The following PTPRT variants were observed in gnomAD, a reference collection of about 807,000 sequenced individuals.
PTPRT encodes protein tyrosine phosphatase receptor type T, also known as receptor-type tyrosine-protein phosphatase T.
PTPRT carries 56 observed loss-of-function variants against 176.8 expected under a neutral mutation model. That is an observed-to-expected ratio of 0.32 (90% CI 0.26 to 0.40). The LOEUF (loss-of-function observed/expected upper bound fraction) is 0.40. Ranked by LOEUF, PTPRT falls within the 10% of genes least tolerant of loss-of-function variation. The probability of loss-of-function intolerance (pLI) is 1.00; values close to 1 mark genes in which losing one functional copy is unlikely to be tolerated. For missense variants in PTPRT, 1,540 were observed against 1,908.2 expected, an observed-to-expected ratio of 0.81 and a Z score of 3.60; for synonymous variants, 783 against 739.0, an observed-to-expected ratio of 1.06 and a Z score of -0.96.
At chr20:42,886,947 T>G (rs1035247281) in intron 1 of PTPRT, among the ~76,000 whole-genome samples, 3 of 152,150 alleles carry the variant, frequency 2.0e-5, no homozygotes, top group Non-Finnish European at 4.4e-5. Context: ...GGTGCACAAA[T>G]GCAGGGAGGC....
intron 15 of PTPRT, among the ~76,000 whole-genome samples, chr20:42,215,794 G>A (rs945785039): frequency 5.3e-5 from 8 of 152,202 alleles, no homozygotes; most frequent in East Asian, 1.9e-4. Context: ...CCAGCCAGTG[G>A]GTATCCAGCC....
intron 16 of PTPRT, among the ~76,000 whole-genome samples, chr20:42,173,317 G>A (rs750934945): frequency 5.3e-5 from 8 of 152,120 alleles, no homozygotes; most frequent in Non-Finnish European, 1.0e-4. Flanking sequence ...AAAGGGTTTT[G>A]TGCATGTCAT....
At chr20:42,280,250 T>C (rs1318076482) in intron 13 of PTPRT, among the ~76,000 whole-genome samples, 2 of 152,116 alleles carry the variant, frequency 1.3e-5, no homozygotes, top group Non-Finnish European at 2.9e-5. Context: ...ACTCTAAGCA[T>C]AGTACCAGGC....
At chr20:42,430,570 A>G (rs1178397034) in intron 9 of PTPRT, among the ~76,000 whole-genome samples, 1 of 152,168 alleles carries the variant, frequency 6.6e-6, no homozygotes, top group Non-Finnish European at 1.5e-5. Flanking sequence ...ATGGCTGGTG[A>G]TGTATCATAA....
In PTPRT at chr20:43,124,998, A is replaced by ATT. The variant is rs551043648; in HGVS notation, c.88+64646_88+64647dup. 2.4e-3 allele frequency among the ~76,000 whole-genome samples: 353 copies of ATT among 146,394 alleles called. 2 individuals carry two copies. The highest frequency in any genetic ancestry group is 3.2e-3 in the Non-Finnish European group (213 of 66,268). ...TTAGAAACTAAGTTAGATTTGGGAA[A>ATT]TTTTTTTTTTTTTTGAGACAGAATA... On this transcript the variant is annotated intron_variant, in intron 1 of 30. Coordinates refer to ENST00000373187, the MANE Select transcript of PTPRT (RefSeq NM_007050.6).
At chr20:43,016,270 C>T (rs1333358354) in intron 1 of PTPRT, among the ~76,000 whole-genome samples, 1 of 152,182 alleles carries the variant, frequency 6.6e-6, no homozygotes, top group Admixed American at 6.5e-5. Flanking sequence ...AGTGGGCTGG[C>T]CATGCTGCCA....
chr20:42,313,974 T>A (rs1412533739), intron 12 of PTPRT, among the ~76,000 whole-genome samples: 1 of 152,188 alleles, frequency 6.6e-6, no homozygotes, highest in Non-Finnish European at 1.5e-5. Context: ...CACCAAGCAC[T>A]GACTGCCATT....
intron 2 of PTPRT, among the ~76,000 whole-genome samples, chr20:42,859,296 T>C (rs1436136134): frequency 6.6e-6 from 1 of 152,142 alleles, no homozygotes; most frequent in Admixed American, 6.5e-5. Context: ...TCAAGCACCA[T>C]GTCATAGGTC....
intron 1 of PTPRT, among the ~76,000 whole-genome samples, chr20:42,965,972 G>A (rs527540332): frequency 1.8e-4 from 28 of 152,192 alleles, no homozygotes; most frequent in Non-Finnish European, 8.8e-5. Flanking sequence ...GCAGAAAAGT[G>A]TGTCACTAAA....
chr20:42,905,364 G>A (rs2079461174), intron 1 of PTPRT, among the ~76,000 whole-genome samples: 1 of 152,166 alleles, frequency 6.6e-6, no homozygotes, highest in Non-Finnish European at 1.5e-5. Context: ...AAACCACAAT[G>A]ACATACCATC....
rs571925436 is a variant in PTPRT, at chr20:42,536,865, G to C, written c.1154-64303C>G. ...GTAGAGCCACTGAGGAGATCAATTT[G>C]GCAAGACCTATATCTAAAGCACTAC... On this transcript the variant is annotated intron_variant, in intron 7 of 30. Coordinates refer to ENST00000373187, the MANE Select transcript of PTPRT (RefSeq NM_007050.6). Among the ~76,000 whole-genome samples, 84 of 152,180 alleles carry C rather than the reference G, an allele frequency of 5.5e-4. 2 individuals carry two copies. The highest frequency in any genetic ancestry group is 5.2e-3 in the Admixed American group (80 of 15,284).
chr20:42,741,313 G>A (rs1046233871), intron 6 of PTPRT, among the ~76,000 whole-genome samples: 2 of 152,112 alleles, frequency 1.3e-5, no homozygotes, highest in Non-Finnish European at 2.9e-5. Flanking sequence ...TTGTGCAAAA[G>A]CAATCACTAC....
At chr20:42,380,748 T>G (rs2145631736) in intron 9 of PTPRT, among the ~76,000 whole-genome samples, 1 of 152,348 alleles carries the variant, frequency 6.6e-6, no homozygotes, top group East Asian at 1.9e-4. Flanking sequence ...TGTTTCTAAT[T>G]CATTTTGATA....
At chr20:42,552,336 C>T (rs747637597) in intron 7 of PTPRT, among the ~76,000 whole-genome samples, 1 of 152,168 alleles carries the variant, frequency 6.6e-6, no homozygotes, top group Non-Finnish European at 1.5e-5. Context: ...CAGAAGCAAA[C>T]ACAAACATAA....
At chr20:42,984,976 C>T (rs1040122074) in intron 1 of PTPRT, among the ~76,000 whole-genome samples, 3 of 152,152 alleles carry the variant, frequency 2.0e-5, no homozygotes, top group Non-Finnish European at 2.9e-5. Context: ...TGGTAGAAGA[C>T]AGTGGGGTAA....
chr20:42,694,949 T>C (rs1569090338), intron 6 of PTPRT, among the ~76,000 whole-genome samples: 2 of 152,186 alleles, frequency 1.3e-5, no homozygotes, highest in South Asian at 4.1e-4. Flanking sequence ...CTCCTGGCTG[T>C]CTTCAGAAGA....
intron 1 of PTPRT, among the ~76,000 whole-genome samples, chr20:42,898,650 T>C (rs1305457892): frequency 2.0e-5 from 3 of 152,186 alleles, no homozygotes; most frequent in African/African-American, 7.2e-5. Flanking sequence ...CTACATGGTC[T>C]GCTATGGGCC....
At chr20:42,793,375 C>A (rs938695426) in intron 2 of PTPRT, among the ~76,000 whole-genome samples, 1 of 152,220 alleles carries the variant, frequency 6.6e-6, no homozygotes, top group African/African-American at 2.4e-5. Flanking sequence ...TATCATTTCA[C>A]ACTCTGCGTC....
Position 43,060,635 on chromosome 20 carries a change from T to C in PTPRT, c.88+129011A>G, listed in dbSNP as rs374969811. 4.6e-5 allele frequency among the ~76,000 whole-genome samples: 7 copies of C among 152,350 alleles called. No individual in the cohort carries two copies. In the East Asian group the frequency reaches 7.7e-4, roughly 17 times the overall value. On this transcript the variant is annotated intron_variant, in intron 1 of 30. Coordinates refer to ENST00000373187, the MANE Select transcript of PTPRT (RefSeq NM_007050.6). ...ATACTTTGCATGGTTATTGTGAAGA[T>C]TGAATGAAATAATTTATACAAATGT...
Sources: allele counts gnomAD v4.1 joint callset (sites outside exome capture counted in the v4.1 genomes callset), GRCh38; gene constraint gnomAD v4.1.1; transcripts MANE v1.5; gene names NCBI Gene and HGNC (gene_info 2026-07-23, HGNC 2026-07-21).